TBL1X: variants seen among roughly 807,000 people sequenced by gnomAD.
The protein encoded by TBL1X is transducin beta like 1 X-linked, also known as F-box-like/WD repeat-containing protein TBL1X.
Under a neutral mutation model 50.7 loss-of-function variants are expected in TBL1X, and 10 were observed. That is an observed-to-expected ratio of 0.20 (90% confidence interval 0.12 to 0.33). The LOEUF (loss-of-function observed/expected upper bound fraction) is 0.33, where lower values mean the gene tolerates loss of function less well. TBL1X is among the 10% of genes least tolerant of loss of function. The pLI is 1.00. For synonymous variants in TBL1X, 190 were observed against 214.7 expected (o/e 0.88, Z 1.01); for missense variants, 340 against 504.4 (o/e 0.67, Z 3.12).
At chrX:9,678,366 A>T (rs1325211690) in intron 5 of TBL1X, among the ~76,000 whole-genome samples, 1 of 111,748 alleles carries the variant, frequency 8.9e-6, no homozygotes, top group Non-Finnish European at 1.9e-5. Flanking sequence ...ATAGCCATAG[A>T]CAACACATCA....
chrX:9,538,555 A>T (rs781603908), intron 2 of TBL1X, among the ~76,000 whole-genome samples: 13 of 112,365 alleles, frequency 1.2e-4, no homozygotes, highest in Non-Finnish European at 2.3e-4. Flanking sequence ...TTTAGACTGT[A>T]CGTCCTTCAG....
At chrX:9,600,678 C>T (rs1462090822) in intron 2 of TBL1X, among the ~76,000 whole-genome samples, 4 of 111,002 alleles carry the variant, frequency 3.6e-5, no homozygotes, top group Admixed American at 9.5e-5. Flanking sequence ...TCCCGAGGCC[C>T]GGGGAAAGCT....
chrX:9,698,575 T>C (rs970925057), intron 12 of TBL1X, among the ~76,000 whole-genome samples: 3 of 111,594 alleles, frequency 2.7e-5, no homozygotes, highest in African/African-American at 9.8e-5. Flanking sequence ...CCAGAGTTTT[T>C]ATTGGGGGTT....
At chrX:9,553,938 T>A (rs907724305) in intron 2 of TBL1X, among the ~76,000 whole-genome samples, 1 of 111,983 alleles carries the variant, frequency 8.9e-6, no homozygotes, top group African/African-American at 3.2e-5. Flanking sequence ...GTTTTTTGTT[T>A]TTGAGACTAG....
chrX:9,596,550 G>T (rs893140429), intron 2 of TBL1X, among the ~76,000 whole-genome samples: 3 of 111,033 alleles, frequency 2.7e-5, no homozygotes, highest in Non-Finnish European at 5.7e-5. Context: ...AGCGGTCACC[G>T]ATAGCCCACC....
intron 5 of TBL1X, among the ~76,000 whole-genome samples, chrX:9,671,427 T>TTC (rs1259773269): frequency 8.9e-6 from 1 of 112,715 alleles, no homozygotes; most frequent in African/African-American, 3.2e-5. Flanking sequence ...TGCCGAGGGG[T>TTC]TCAGAAGGAA....
rs780460994 is a variant in TBL1X, at chrX:9,642,151, TTGGGAACA to T, written c.-43+1793_-43+1800del. On this transcript the variant is annotated intron_variant, in intron 3 of 17. Coordinates refer to ENST00000645353, the MANE Select transcript of TBL1X (RefSeq NM_005647.4). ...TTTGAGTGGGTATTAGTTCAGTACT[TTGGGAACA>T]TAAGCTTCAATTTCATTGAATCCAG... is the stretch of plus-strand genomic sequence containing the variant. Among the ~76,000 whole-genome samples, 16 of 111,674 alleles carry T rather than the reference TTGGGAACA, an allele frequency of 1.4e-4. No individual in the cohort carries two copies. The South Asian group carries it at 4.5e-3, about 32-fold the overall frequency.
chrX:9,472,209 G>A (rs2146924453), intron 1 of TBL1X, among the ~76,000 whole-genome samples: 1 of 111,636 alleles, frequency 9.0e-6, no homozygotes, highest in African/African-American at 3.2e-5. Flanking sequence ...CTGATAGAAG[G>A]GAATTTGGAC....
At chrX:9,519,916 C>T (rs1464288226) in intron 2 of TBL1X, among the ~76,000 whole-genome samples, 1 of 112,519 alleles carries the variant, frequency 8.9e-6, no homozygotes, top group Non-Finnish European at 1.9e-5. Context: ...TCTCTCATTT[C>T]TCCTGTCCTA....
At chrX:9,581,411 T>C (rs754922318) in intron 2 of TBL1X, among the ~76,000 whole-genome samples, 17 of 111,716 alleles carry the variant, frequency 1.5e-4, no homozygotes, top group Non-Finnish European at 3.8e-5. Flanking sequence ...TAGCCCACAG[T>C]TCAGGCATGG....
rs1462695866 is a variant in TBL1X at position 9,629,839 on chromosome X, T to C, written c.-130-10434T>C. Among the ~76,000 whole-genome samples, 3 of 110,402 alleles carry C rather than the reference T, an allele frequency of 2.7e-5. No homozygotes were observed. The Admixed American group carries it at 2.9e-4, about 11-fold the overall frequency. On this transcript the variant is annotated intron_variant, in intron 2 of 17. Coordinates refer to ENST00000645353, the MANE Select transcript of TBL1X (RefSeq NM_005647.4). ...GTACTAGGATTACATGGGAAGTGAGTGTGGAATACTTCGGGATCGCTGATC... is the reference window on the plus strand; with the variant it reads ...GTACTAGGATTACATGGGAAGTGAGCGTGGAATACTTCGGGATCGCTGATC...
chrX:9,647,773 C>A (rs1465592279), intron 3 of TBL1X, among the ~76,000 whole-genome samples: 3 of 111,412 alleles, frequency 2.7e-5, no homozygotes, highest in African/African-American at 9.8e-5. Context: ...ATGTGTGCCA[C>A]CTTGCCTGCT....
intron 2 of TBL1X, among the ~76,000 whole-genome samples, chrX:9,589,433 C>T (rs1036008625): frequency 5.5e-5 from 6 of 108,875 alleles, no homozygotes; most frequent in Admixed American, 2.9e-4. Context: ...TGTTTATAGT[C>T]GGGATAGAAA....
rs372288258 is a variant in TBL1X at position 9,620,975 on chromosome X, G to A, written c.-130-19298G>A. Among the ~76,000 whole-genome samples the A allele has an allele frequency of 5.4e-5, 6 of 112,107 alleles. No individual in the cohort carries two copies. In the East Asian group the frequency reaches 1.1e-3, roughly 21 times the overall value. ...TCCAGTGCAGAATGTCAGCGGACGT[G>A]CATGTGTCCTGCCAGGGGAGTGAAG... On this transcript the variant is annotated intron_variant, in intron 2 of 17. Coordinates refer to ENST00000645353, the MANE Select transcript of TBL1X (RefSeq NM_005647.4).
At chrX:9,587,889 A>G (rs1286108202) in intron 2 of TBL1X, among the ~76,000 whole-genome samples, 2 of 105,567 alleles carry the variant, frequency 1.9e-5, no homozygotes, top group Non-Finnish European at 3.9e-5. Flanking sequence ...GCAGAGTCAT[A>G]CAGTGTCTGT....
At chrX:9,605,069 T>C (rs1016819224) in intron 2 of TBL1X, among the ~76,000 whole-genome samples, 1 of 110,730 alleles carries the variant, frequency 9.0e-6, no homozygotes, top group African/African-American at 3.3e-5. Flanking sequence ...GACCCTGGAA[T>C]GTCATCTCCT....
chrX:9,598,867 C>G (rs923936174), intron 2 of TBL1X, among the ~76,000 whole-genome samples: 1 of 110,985 alleles, frequency 9.0e-6, no homozygotes, highest in African/African-American at 3.3e-5. Flanking sequence ...CCTTCATTTG[C>G]ACATGGCCTT....
chrX:9,534,978 A>G lies in TBL1X; in HGVS notation c.-131+33129A>G, dbSNP rs555390554. 6 of 112,009 alleles carry G rather than the reference A, an allele frequency of 5.4e-5. No homozygotes were observed. The South Asian group carries it at 2.2e-3, about 42-fold the overall frequency. The allele number at this position is 112,009 out of a possible 1,213,427, so 9.2% of individuals were successfully genotyped here. On this transcript the variant is annotated intron_variant, in intron 2 of 17. Transcript: ENST00000645353. ...TAGCTTGTGTAAGTGGAATTATTTT[A>G]AAAGCTGGTTCATGTTAAAGTGCTT...
At chrX:9,526,675 T>A (rs1346771261) in intron 2 of TBL1X, among the ~76,000 whole-genome samples, 1 of 112,396 alleles carries the variant, frequency 8.9e-6, no homozygotes, top group Non-Finnish European at 1.9e-5. Context: ...AGCCACATTG[T>A]GAGAAGGCAG....
Sources: gnomAD v4.1 joint callset for allele counts (sites outside exome capture counted in the v4.1 genomes callset) on GRCh38, gnomAD v4.1.1 for gene constraint, MANE v1.5 for transcripts, NCBI Gene and HGNC (gene_info 2026-07-23, HGNC 2026-07-21) for gene names.